Variants in NALCN observed in about 807,000 individuals in gnomAD.
The protein encoded by NALCN is sodium leak channel, non-selective.
Under a neutral mutation model 225.3 loss-of-function variants are expected in NALCN, and 111 were observed. The observed-to-expected ratio is 0.49, with a 90% confidence interval of 0.42 to 0.58. NALCN has a LOEUF of 0.58. Among genes scored for constraint, NALCN ranks in the 20% least tolerant of loss-of-function variants. The probability of loss-of-function intolerance (pLI) is 0.00; values close to 1 mark genes in which losing one functional copy is unlikely to be tolerated. For synonymous variants in NALCN, 764 were observed against 769.0 expected, an observed-to-expected ratio of 0.99 and a Z score of 0.11; for missense variants, 1,378 against 2,202.4, an observed-to-expected ratio of 0.63 and a Z score of 7.49.
intron 34 of NALCN, among the ~76,000 whole-genome samples, chr13:101,076,401 G>A (rs551417601): frequency 5.9e-5 from 9 of 152,312 alleles, no homozygotes; most frequent in Admixed American, 1.3e-4. Context: ...TGATTTCAGA[G>A]AGGTCCTCCC....
chr13:101,297,669 C>A (rs2043805935), intron 7 of NALCN, among the ~76,000 whole-genome samples: 1 of 152,200 alleles, frequency 6.6e-6, no homozygotes, highest in South Asian at 2.1e-4. Context: ...ACCCCCTTTG[C>A]GTGAATCATC....
intron 6 of NALCN, among the ~76,000 whole-genome samples, chr13:101,376,144 T>C (rs538885884): frequency 2.1e-4 from 32 of 152,238 alleles, no homozygotes; most frequent in Middle Eastern, 3.4e-3. Flanking sequence ...TAAATAATAA[T>C]AAAAATGAGC....
intron 6 of NALCN, among the ~76,000 whole-genome samples, chr13:101,356,966 G>C (rs1222197622): frequency 6.6e-6 from 1 of 152,090 alleles, no homozygotes; most frequent in African/African-American, 2.4e-5. Flanking sequence ...TGCAGAAAAG[G>C]CCTTTGATAA....
intron 7 of NALCN, among the ~76,000 whole-genome samples, chr13:101,314,077 C>G (rs1049063793): frequency 6.8e-6 from 1 of 147,106 alleles, no homozygotes; most frequent in Non-Finnish European, 1.5e-5. Flanking sequence ...AATCAAACAC[C>G]GCATGTTCTC....
chr13:101,252,852 C>A (rs2042102357), intron 11 of NALCN, among the ~76,000 whole-genome samples: 1 of 151,992 alleles, frequency 6.6e-6, no homozygotes, highest in African/African-American at 2.4e-5. Context: ...CTTGTTGTAT[C>A]TCTCCCATCT....
intron 41 of NALCN, among the ~76,000 whole-genome samples, chr13:101,060,668 A>T (rs191788261): frequency 2.2e-4 from 34 of 152,222 alleles, no homozygotes; most frequent in Non-Finnish European, 8.8e-5. Flanking sequence ...TTAAGCCAAT[A>T]CAATCCCAAC....
intron 7 of NALCN, among the ~76,000 whole-genome samples, chr13:101,305,936 C>T (rs1163247415): frequency 6.6e-6 from 1 of 152,090 alleles, no homozygotes; most frequent in Non-Finnish European, 1.5e-5. Context: ...AGGAAAGTAA[C>T]AAAGCAGAGA....
intron 11 of NALCN, among the ~76,000 whole-genome samples, chr13:101,256,131 C>T (rs2042221465): frequency 6.6e-6 from 1 of 152,144 alleles, no homozygotes; most frequent in Admixed American, 6.5e-5. Flanking sequence ...TTTAAGCCAC[C>T]CACATTCACG....
intron 13 of NALCN, among the ~76,000 whole-genome samples, chr13:101,220,129 C>T (rs149520296): frequency 3.6e-4 from 55 of 152,290 alleles, no homozygotes; most frequent in African/African-American, 9.1e-4. Flanking sequence ...GCCTCCAAGA[C>T]GGCCTGGACC....
Position 101,070,221 on chromosome 13 carries a change from C to T in NALCN, c.4198-1394G>A, listed in dbSNP as rs1345682939. ...AGCTGAGTCTACAGGCGCCCACCAC[C>T]ATGCCCGGCTAATTTTTTGTATCTT... On this transcript the variant is annotated intron_variant, in intron 37 of 43. Coordinates refer to ENST00000251127, the MANE Select transcript of NALCN (RefSeq NM_052867.4). Among the ~76,000 whole-genome samples the T allele has an allele frequency of 2.0e-5, 3 of 152,142 alleles. No homozygotes were observed. The East Asian group carries it at 5.8e-4, about 29-fold the overall frequency.
chr13:101,387,245 A>C (rs1044670051), intron 3 of NALCN, among the ~76,000 whole-genome samples: 3 of 149,964 alleles, frequency 2.0e-5, no homozygotes, highest in Non-Finnish European at 3.0e-5. Context: ...AAAAAAAAAA[A>C]AAAAAAAAAC....
chr13:101,203,737 T>C (rs1226839490), intron 13 of NALCN, among the ~76,000 whole-genome samples: 3 of 152,218 alleles, frequency 2.0e-5, no homozygotes, highest in Non-Finnish European at 4.4e-5. Flanking sequence ...TACTATTCTA[T>C]AATCTATTAA....
chr13:101,312,714 T>C (rs979660380), intron 7 of NALCN, among the ~76,000 whole-genome samples: 1 of 152,220 alleles, frequency 6.6e-6, no homozygotes, highest in Non-Finnish European at 1.5e-5. Context: ...GATTGCACTG[T>C]GGTCTGAGAG....
chr13:101,361,560 A>AT (rs1168081316), intron 6 of NALCN, among the ~76,000 whole-genome samples: 1 of 152,222 alleles, frequency 6.6e-6, no homozygotes, highest in Non-Finnish European at 1.5e-5. Context: ...AACTGAAAGC[A>AT]TAGAAAGCAG....
At chr13:101,061,888 G>T in intron 41 of NALCN, 80 bp downstream of exon 41, 1 of 1,373,864 alleles carries the variant, frequency 7.3e-7, no homozygotes, top group Non-Finnish European at 9.9e-7. Flanking sequence ...CCATGTTCAC[G>T]AAGCTCTTTT....
intron 17 of NALCN, among the ~76,000 whole-genome samples, chr13:101,133,839 G>A (rs2036631538): frequency 6.6e-6 from 1 of 152,164 alleles, no homozygotes; most frequent in Non-Finnish European, 1.5e-5. Context: ...CTTAAAATGT[G>A]AATTTTGTGA....
chr13:101,246,873 G>A (rs2041913077), intron 11 of NALCN, among the ~76,000 whole-genome samples: 1 of 152,092 alleles, frequency 6.6e-6, no homozygotes, highest in African/African-American at 2.4e-5. Context: ...TCAGAGGAAT[G>A]CAGAAATCAC....
In NALCN at chr13:101,111,921, G is replaced by A. The variant is rs192273325; in HGVS notation, c.2193-695C>T. 2.4e-3 allele frequency among the ~76,000 whole-genome samples: 366 copies of A among 152,220 alleles called. 2 individuals are homozygous for A. Among genetic ancestry groups the A allele is most frequent in the African/African-American group, 7.7e-3 (320 of 41,540 alleles). ...AATACACACAGGCAATCATGATGTCGGTTTTGAATTTAAACAAGGTTTCTA... is the reference window on the plus strand; with the variant it reads ...AATACACACAGGCAATCATGATGTCAGTTTTGAATTTAAACAAGGTTTCTA... On this transcript the variant is annotated intron_variant, in intron 18 of 43. Transcript: ENST00000251127.
At chr13:101,302,469 A>C (rs2044007593) in intron 7 of NALCN, among the ~76,000 whole-genome samples, 1 of 152,216 alleles carries the variant, frequency 6.6e-6, no homozygotes, top group South Asian at 2.1e-4. Context: ...CGTGGGAGGG[A>C]AGAAACATAC....
Sources: gnomAD v4.1 joint callset for allele counts (sites outside exome capture counted in the v4.1 genomes callset) on GRCh38, gnomAD v4.1.1 for gene constraint, MANE v1.5 for transcripts, NCBI Gene and HGNC (gene_info 2026-07-23, HGNC 2026-07-21) for gene names.